TRANK1: variants seen among roughly 807,000 people sequenced by gnomAD.
TRANK1 encodes tetratricopeptide repeat and ankyrin repeat containing 1, also known as TPR and ankyrin repeat-containing protein 1.
TRANK1 carries 198 observed loss-of-function variants against 266.0 expected under a neutral mutation model. That is an observed-to-expected ratio of 0.74 (90% CI 0.66 to 0.84). The LOEUF (loss-of-function observed/expected upper bound fraction) is 0.84, where lower values mean the gene tolerates loss of function less well. TRANK1 is among the 40% of genes least tolerant of loss of function. TRANK1 has a pLI of 0.00. For missense variants in TRANK1, 3,326 were observed against 3,634.6 expected, an observed-to-expected ratio of 0.92 and a Z score of 2.18; for synonymous variants, 1,396 against 1,384.1, an observed-to-expected ratio of 1.01 and a Z score of -0.19.
intron 10 of TRANK1, among the ~76,000 whole-genome samples, chr3:36,861,907 A>G (rs761485778): frequency 1.6e-4 from 24 of 151,916 alleles, no homozygotes; most frequent in Non-Finnish European, 3.1e-4. Context: ...GGGTTTCACT[A>G]TGTTAGCCAG....
At chr3:36,864,797 T>C (rs140935421) in intron 9 of TRANK1, among the ~76,000 whole-genome samples, 3 of 152,300 alleles carry the variant, frequency 2.0e-5, no homozygotes, top group Non-Finnish European at 2.9e-5. Context: ...CAAGTCAGGC[T>C]AGCCTACTGA....
chr3:36,900,856 A>AAAAAAAAAAAAAAAAAAAAAAAAAAC (rs2079867522), intron 3 of TRANK1, among the ~76,000 whole-genome samples: 1 of 72,082 alleles, frequency 1.4e-5, no homozygotes, highest in Non-Finnish European at 2.7e-5. Flanking sequence ...TGTCTCAAAA[A>AAAAAAAAAAAAAAAAAAAAAAAAAAC]AAAAAAAAAA....
chr3:36,904,519 A>C (rs2079933157), intron 2 of TRANK1, among the ~76,000 whole-genome samples: 1 of 134,212 alleles, frequency 7.5e-6, no homozygotes, highest in Non-Finnish European at 1.6e-5. Flanking sequence ...ACTCCGTCTC[A>C]AAAAAAGAAA....
intron 20 of TRANK1, 136 bp downstream of exon 20, chr3:36,838,236 A>T: frequency 7.4e-7 from 1 of 1,343,890 alleles, no homozygotes; most frequent in Non-Finnish European, 1.0e-6. Flanking sequence ...GGCTTCCCTT[A>T]GAGTCGCAGG....
At chr3:36,898,680 T>C (rs2079829959) in intron 4 of TRANK1, among the ~76,000 whole-genome samples, 1 of 151,762 alleles carries the variant, frequency 6.6e-6, no homozygotes, top group Admixed American at 6.6e-5. Flanking sequence ...CGAAACCTCA[T>C]CTCTACTAAA....
intron 13 of TRANK1, among the ~76,000 whole-genome samples, chr3:36,854,061 G>A (rs999178941): frequency 9.9e-5 from 15 of 152,170 alleles, no homozygotes; most frequent in Non-Finnish European, 2.2e-4. Flanking sequence ...TTATCAACAT[G>A]CAAAATTCTC....
chr3:36,879,950 A>G (rs2079491203), intron 8 of TRANK1, among the ~76,000 whole-genome samples: 2 of 11,088 alleles, frequency 1.8e-4, no homozygotes, highest in East Asian at 2.2e-3. Context: ...AAACATGCAA[A>G]TATATGTAAA....
chr3:36,832,536 C>G lies in TRANK1; in HGVS notation c.7047G>C (p.Lys2349Asn), dbSNP rs780783077. ...AGTTGTCCTCCTCCTGGTGGAGCAGCTTTTCAAACTCCTCCGGGTAGTTGG... is the reference window on the plus strand; with the variant it reads ...AGTTGTCCTCCTCCTGGTGGAGCAGGTTTTCAAACTCCTCCGGGTAGTTGG... ...LSSNYPEEFE[K>N]LLHQEEDNYN... is the part of the protein sequence containing the mutation. The change falls in exon 22 of 24, where the codon AAG (lysine) becomes AAC (asparagine). Residue 2349 changes from lysine (K) to asparagine (N), a missense_variant. Physicochemically the swap from Lys to Asn is moderately conservative, Grantham distance 94. Coordinates refer to ENST00000645898, the MANE Select transcript of TRANK1 (RefSeq NM_001329998.2). The G allele has an allele frequency of 6.2e-7, 1 of 1,613,970 alleles. No individual in the cohort carries two copies. Among genetic ancestry groups the G allele is most frequent in the Non-Finnish European group, 8.5e-7 (1 of 1,179,882 alleles).
intron 8 of TRANK1, among the ~76,000 whole-genome samples, chr3:36,886,479 T>C (rs925722941): frequency 3.9e-5 from 6 of 152,156 alleles, no homozygotes; most frequent in Non-Finnish European, 8.8e-5. Context: ...TTATAAGAAA[T>C]AGTATAAAAT....
chr3:36,851,994 G>T, intron 14 of TRANK1, 138 bp from the exon 15 acceptor site: 1 of 1,384,606 alleles, frequency 7.2e-7, no homozygotes, highest in Non-Finnish European at 9.6e-7. Flanking sequence ...GGGAAAGATT[G>T]AAACACTTGG....
intron 13 of TRANK1, among the ~76,000 whole-genome samples, chr3:36,852,798 A>T (rs956802851): frequency 2.2e-5 from 3 of 137,392 alleles, no homozygotes; most frequent in Non-Finnish European, 4.8e-5. Flanking sequence ...AAAAAAAAAA[A>T]ACAATGAGAG....
intron 5 of TRANK1, among the ~76,000 whole-genome samples, chr3:36,894,446 C>T (rs1272004873): frequency 1.3e-5 from 2 of 152,180 alleles, no homozygotes; most frequent in African/African-American, 4.8e-5. Context: ...GCTACCTTAT[C>T]CCAGGAGAAA....
chr3:36,861,211 C>G (rs776854730), intron 10 of TRANK1, 51 bp from the exon 11 acceptor site: 19 of 1,508,626 alleles, frequency 1.3e-5, no homozygotes, highest in Non-Finnish European at 1.6e-5. Context: ...TATGATTTCT[C>G]TTCTTTCCCC....
At position 36,909,070 on chromosome 3, in the gene TRANK1, C is replaced by T. The variant is rs182212156; in HGVS notation, c.24-616G>A. On this transcript the variant is annotated intron_variant, in intron 1 of 23. Transcript: ENST00000645898. The stretch of plus-strand genomic sequence containing the variant: ...AAGTGGCTAGGACACAGAGACACAA[C>T]CACTGTCTCTCCTGTCCCCCTCCTT... Among the ~76,000 whole-genome samples, 3 of 152,318 alleles carry T rather than the reference C, an allele frequency of 2.0e-5. No individual in the cohort carries two copies. In the East Asian group the frequency reaches 5.8e-4, roughly 29 times the overall value.
rs1491277770 is a variant in TRANK1, at chr3:36,918,597, AGG to A, written c.24-10145_24-10144del. Among the ~76,000 whole-genome samples the A allele has an allele frequency of 1.5e-4, 20 of 132,394 alleles. 1 individual carries two copies. The highest frequency in any genetic ancestry group is 6.3e-4 in the East Asian group (3 of 4,740). The allele number at this position is 132,394 out of a possible 152,430, so 86.9% of individuals were successfully genotyped here. A position where few individuals can be genotyped will look rare whatever the true frequency, so the allele number is the denominator to read the frequency against. On this transcript the variant is annotated intron_variant, in intron 1 of 23. Transcript: ENST00000645898. ...AAGGAAGGAAGGAAGGAAGGAAGGA[AGG>A]AAGGAAGGAAAGAAAGAAAGAAAGA...
chr3:36,917,879 T>C (rs11922707), intron 1 of TRANK1, among the ~76,000 whole-genome samples: 8,481 of 152,130 alleles, frequency 0.056, 374 homozygotes, highest in African/African-American at 0.12. Context: ...TAAAATTTCA[T>C]AGGGGGTGGG....
rs928903208 is a variant in TRANK1, at chr3:36,864,324, A to G, written c.1235T>C (p.Leu412Pro). 6.6e-7 allele frequency: 1 copy of G among 1,515,974 alleles called. No homozygotes were observed. Among genetic ancestry groups the G allele is most frequent in the East Asian group, 2.5e-5 (1 of 40,704 alleles). The allele number at this position is 1,515,974 out of a possible 1,614,324, so 93.9% of individuals were successfully genotyped here. A position where few individuals can be genotyped will look rare whatever the true frequency, so the allele number is the denominator to read the frequency against. The change falls in exon 10 of 24, where the codon CTG (leucine) becomes CCG (proline). Residue 412 changes from leucine to proline, a missense_variant. By Grantham distance (98) the Leu-to-Pro change is moderately conservative (BLOSUM62 -3). Coordinates refer to ENST00000645898, the MANE Select transcript of TRANK1 (RefSeq NM_001329998.2). ...VQRFLRLLST[L>P]QEIPPDLVCD... ...AACGTTGTGGAAAAAATTACCTTGC[A>G]GAGTAGAAAGGAGACGCAAGAACCT...
At chr3:36,849,093 T>C (rs112751079) in intron 15 of TRANK1, among the ~76,000 whole-genome samples, 20 of 152,320 alleles carry the variant, frequency 1.3e-4, no homozygotes, top group Admixed American at 6.5e-4. Context: ...TTCCAGTTTC[T>C]TTTCTTGGTA....
intron 1 of TRANK1, among the ~76,000 whole-genome samples, chr3:36,933,874 C>T (rs1379923819): frequency 1.3e-5 from 2 of 152,156 alleles, no homozygotes; most frequent in Non-Finnish European, 2.9e-5. Context: ...AAGACCTTGC[C>T]CCACTTCCCA....
Sources: gnomAD v4.1 joint callset for allele counts (sites outside exome capture counted in the v4.1 genomes callset) on GRCh38, gnomAD v4.1.1 for gene constraint, MANE v1.5 for transcripts, NCBI Gene and HGNC (gene_info 2026-07-23, HGNC 2026-07-21) for gene names.